The following PPP1R9A variants were observed in gnomAD, a reference collection of about 807,000 sequenced individuals.
PPP1R9A encodes the protein protein phosphatase 1 regulatory subunit 9A, also known as neurabin-1.
In PPP1R9A, 59 loss-of-function variants were observed where a neutral mutation model predicts 141.9. The observed-to-expected ratio is 0.42, with a 90% CI of 0.34 to 0.52. The LOEUF (loss-of-function observed/expected upper bound fraction) is 0.52. Ranked by LOEUF, PPP1R9A falls within the 20% of genes least tolerant of loss-of-function variation. The pLI is 0.10. For synonymous variants in PPP1R9A, 500 were observed against 569.7 expected, an observed-to-expected ratio of 0.88 and a Z score of 1.74; for missense variants, 1,444 against 1,611.9, an observed-to-expected ratio of 0.90 and a Z score of 1.78.
chr7:95,045,094 T>C (rs1484720323), intron 2 of PPP1R9A, among the ~76,000 whole-genome samples: 7 of 152,172 alleles, frequency 4.6e-5, no homozygotes, highest in East Asian at 1.9e-4. Context: ...TGAAATAATA[T>C]ATTTGTTAGT....
chr7:95,001,968 G>A (rs994537422), intron 2 of PPP1R9A, among the ~76,000 whole-genome samples: 4 of 152,116 alleles, frequency 2.6e-5, no homozygotes, highest in Non-Finnish European at 4.4e-5. Flanking sequence ...TTTAGTGTTC[G>A]TGTGAGTGTC....
At chr7:95,051,028 C>T (rs1041694804) in intron 2 of PPP1R9A, among the ~76,000 whole-genome samples, 3 of 152,144 alleles carry the variant, frequency 2.0e-5, no homozygotes, top group African/African-American at 7.2e-5. Flanking sequence ...AAAGTCATCA[C>T]TATCCAGAGT....
intron 2 of PPP1R9A, among the ~76,000 whole-genome samples, chr7:94,992,642 G>A (rs1801660142): frequency 6.6e-6 from 1 of 152,130 alleles, no homozygotes; most frequent in African/African-American, 2.4e-5. Flanking sequence ...GGGCTGGGCA[G>A]TCTTTTTAAA....
intron 2 of PPP1R9A, among the ~76,000 whole-genome samples, chr7:94,952,742 A>G (rs1415589270): frequency 2.6e-5 from 4 of 152,132 alleles, no homozygotes; most frequent in East Asian, 3.9e-4. Flanking sequence ...TCTTGGCCAC[A>G]TAAATGTCTT....
chr7:95,180,658 G>A (rs183014502), intron 5 of PPP1R9A, among the ~76,000 whole-genome samples: 212 of 151,656 alleles, frequency 1.4e-3, no homozygotes, highest in African/African-American at 5.0e-3. Flanking sequence ...CAGAATCTAC[G>A]ACAATCTCAA....
At chr7:95,201,130 A>G (rs1317113712) in intron 6 of PPP1R9A, among the ~76,000 whole-genome samples, 1 of 152,112 alleles carries the variant, frequency 6.6e-6, no homozygotes, top group Non-Finnish European at 1.5e-5. Flanking sequence ...TTGGATAATT[A>G]TTTTCTCTAT....
rs1437623312 is a variant in PPP1R9A, at chr7:94,911,424, G to C, written c.1311G>C (p.Met437Ile). ...SDENSYYQPDMEYSEIVGLPE... is the reference protein window; with the variant it reads ...SDENSYYQPDIEYSEIVGLPE... ...AGAACAGTTACTATCAGCCTGATAT[G>C]GAGTACTCGGAAATTGTTGGATTGC... Residue 437 changes from methionine to isoleucine, a missense_variant, in exon 2 of 20, where the codon ATG becomes ATC. By Grantham distance (10) the Met-to-Ile change is conservative. Coordinates refer to ENST00000433360, the MANE Select transcript of PPP1R9A (RefSeq NM_001166160.2). The C allele has an allele frequency of 1.2e-6, 2 of 1,613,730 alleles. No homozygotes were observed. The highest frequency in any genetic ancestry group is 2.7e-5 in the African/African-American group (2 of 74,896).
chr7:95,019,682 C>T (rs551968594), intron 2 of PPP1R9A, among the ~76,000 whole-genome samples: 1 of 152,064 alleles, frequency 6.6e-6, no homozygotes, highest in South Asian at 2.1e-4. Context: ...CAGAGAAGTG[C>T]AAAGTAAAAT....
intron 2 of PPP1R9A, among the ~76,000 whole-genome samples, chr7:94,989,373 T>C (rs573843963): frequency 6.6e-6 from 1 of 152,210 alleles, no homozygotes; most frequent in African/African-American, 2.4e-5. Flanking sequence ...TTGAACTAAA[T>C]TTCCAAGTGG....
intron 2 of PPP1R9A, among the ~76,000 whole-genome samples, chr7:95,060,175 C>T (rs927368963): frequency 6.6e-6 from 1 of 152,150 alleles, no homozygotes; most frequent in African/African-American, 2.4e-5. Flanking sequence ...ATAGCCCTGC[C>T]TTTCATAGGC....
chr7:95,142,563 T>C (rs1826894308), intron 4 of PPP1R9A, among the ~76,000 whole-genome samples: 2 of 152,100 alleles, frequency 1.3e-5, no homozygotes, highest in South Asian at 4.1e-4. Context: ...CATAGCTTCA[T>C]TCTTTTCCAT....
intron 2 of PPP1R9A, among the ~76,000 whole-genome samples, chr7:95,067,486 C>T (rs1410891231): frequency 6.6e-6 from 1 of 151,968 alleles, no homozygotes; most frequent in East Asian, 1.9e-4. Flanking sequence ...GAATGTACAC[C>T]AAAAAGTTAT....
chr7:95,024,259 T>TG (rs1455799888), intron 2 of PPP1R9A, among the ~76,000 whole-genome samples: 3 of 152,162 alleles, frequency 2.0e-5, no homozygotes, highest in Admixed American at 6.5e-5. Context: ...TCTGTTGATT[T>TG]GGGGTGGAGA....
At chr7:95,071,567 T>C (rs1813816290) in intron 2 of PPP1R9A, among the ~76,000 whole-genome samples, 1 of 151,994 alleles carries the variant, frequency 6.6e-6, no homozygotes, top group African/African-American at 2.4e-5. Flanking sequence ...CTTCCACTTT[T>C]ATTTCTTTTA....
rs772583948 is a variant in PPP1R9A, at chr7:95,284,336, A to T, written c.3609+6A>T. 1 of 1,453,224 alleles carries T rather than the reference A, an allele frequency of 6.9e-7. No individual in the cohort carries two copies. The highest frequency in any genetic ancestry group is 1.4e-5 in the African/African-American group (1 of 70,488). The allele number at this position is 1,453,224 out of a possible 1,614,324, so 90.0% of individuals were successfully genotyped here. ...TCTGGATCCAAGAAACCAATGTAATAACACTGCAATAAACAATGCATGGTA... is the reference window on the plus strand; with the variant it reads ...TCTGGATCCAAGAAACCAATGTAATTACACTGCAATAAACAATGCATGGTA... On this transcript the variant is annotated splice_donor_region_variant and intron_variant, in intron 17 of 19. Coordinates refer to ENST00000433360, the MANE Select transcript of PPP1R9A (RefSeq NM_001166160.2).
At chr7:95,234,671 A>G (rs760292931) in intron 8 of PPP1R9A, among the ~76,000 whole-genome samples, 1 of 152,156 alleles carries the variant, frequency 6.6e-6, no homozygotes, top group African/African-American at 2.4e-5. Context: ...AGTACCATTC[A>G]GGACTAAAAT....
chr7:95,283,317 C>CTTAT, intron 16 of PPP1R9A, among the ~76,000 whole-genome samples: 1 of 152,284 alleles, frequency 6.6e-6, no homozygotes, highest in African/African-American at 2.4e-5. Flanking sequence ...TTTCACATAT[C>CTTAT]TCATTTAATT....
intron 2 of PPP1R9A, among the ~76,000 whole-genome samples, chr7:94,914,813 C>T (rs1791868796): frequency 6.6e-6 from 1 of 152,062 alleles, no homozygotes; most frequent in South Asian, 2.1e-4. Flanking sequence ...ATAACAAATA[C>T]AACAAATACA....
rs1450491774 is a variant in PPP1R9A, at chr7:94,927,692, C to T, written c.1395+16184C>T. On this transcript the variant is annotated intron_variant, in intron 2 of 19. Transcript: ENST00000433360. Reference sequence around the variant, plus strand: ...TAAGACAAACCTTTTCTCCTTGAGACTATAGACTTTGAAGGAGATAGAGAA... The same window carrying T: ...TAAGACAAACCTTTTCTCCTTGAGATTATAGACTTTGAAGGAGATAGAGAA... Among the ~76,000 whole-genome samples, 3 of 152,262 alleles carry T rather than the reference C, an allele frequency of 2.0e-5. No individual in the cohort carries two copies. In the East Asian group the frequency reaches 5.8e-4, roughly 29 times the overall value.
Sources: gnomAD v4.1 joint callset for allele counts (sites outside exome capture counted in the v4.1 genomes callset) on GRCh38, gnomAD v4.1.1 for gene constraint, MANE v1.5 for transcripts, NCBI Gene and HGNC (gene_info 2026-07-23, HGNC 2026-07-21) for gene names.